Variants in ERP44 observed in about 807,000 individuals in gnomAD.
ERP44 encodes endoplasmic reticulum resident protein 44.
Under a neutral mutation model 53.4 loss-of-function variants are expected in ERP44, and 25 were observed. The ratio of observed to expected loss-of-function variants is 0.47; its 90% confidence interval spans 0.34 to 0.65. The LOEUF is 0.65. Among genes scored for constraint, ERP44 ranks in the 30% least tolerant of loss-of-function variants. The pLI, the probability that ERP44 is intolerant of heterozygous loss-of-function variation, is 0.01. For missense variants in ERP44, 338 were observed against 493.2 expected (o/e 0.69, Z 2.98); for synonymous variants, 145 against 161.2 (o/e 0.90, Z 0.76).
At chr9:100,007,429 C>A in intron 9 of ERP44, 149 bp downstream of exon 9, 1 of 583,206 alleles carries the variant, frequency 1.7e-6, no homozygotes, top group Non-Finnish European at 3.1e-6. Flanking sequence ...CTACTAATGC[C>A]TCCTTACCAT....
intron 1 of ERP44, among the ~76,000 whole-genome samples, chr9:100,076,308 G>C (rs1001937615): frequency 1.3e-5 from 2 of 152,192 alleles, no homozygotes; most frequent in African/African-American, 4.8e-5. Flanking sequence ...AGTTACATGA[G>C]GAAGTGGCTC....
intron 8 of ERP44, among the ~76,000 whole-genome samples, chr9:100,008,346 C>T (rs1351528525): frequency 6.6e-6 from 1 of 152,066 alleles, no homozygotes; most frequent in South Asian, 2.1e-4. Flanking sequence ...CAGAAAAGCA[C>T]CTTGAAAATT....
intron 7 of ERP44, 46 bp from the exon 8 acceptor site, chr9:100,016,484 A>G (rs1337858417): frequency 1.3e-6 from 2 of 1,538,178 alleles, no homozygotes; most frequent in Admixed American, 2.2e-5. Context: ...CTGTGCTGGC[A>G]AAAGTATATT....
At chr9:100,038,267 A>C (rs1042258717) in intron 4 of ERP44, among the ~76,000 whole-genome samples, 1 of 152,308 alleles carries the variant, frequency 6.6e-6, no homozygotes, top group South Asian at 2.1e-4. Flanking sequence ...TAAATTAGGG[A>C]CCAATCAAAA....
chr9:100,003,572 G>T (rs1435082266), intron 10 of ERP44, among the ~76,000 whole-genome samples: 1 of 149,772 alleles, frequency 6.7e-6, no homozygotes, highest in Non-Finnish European at 1.5e-5. Context: ...CAGCAGGTGG[G>T]TGAGCTTGGT....
At chr9:100,084,119 G>C (rs1826456188) in intron 1 of ERP44, among the ~76,000 whole-genome samples, 1 of 152,054 alleles carries the variant, frequency 6.6e-6, no homozygotes, top group Non-Finnish European at 1.5e-5. Context: ...ACTTACCAAA[G>C]GATATTATAA....
rs180930353 is a variant in ERP44, at chr9:99,981,325, T to C, written c.*1287A>G. ...ACAATCATTAAATATCCATTATAAA[T>C]ATTAATTTTATTTTAAAAGAATTGG... On this transcript the variant is annotated 3_prime_UTR_variant, in exon 12 of 12. Transcript: ENST00000262455. The C allele has an allele frequency of 7.2e-5, 11 of 152,710 alleles. 1 individual carries two copies. The East Asian group carries it at 2.1e-3, about 29-fold the overall frequency. 9.5% of individuals were successfully genotyped at this position (152,710 alleles called of 1,614,324 possible). A position where few individuals can be genotyped will look rare whatever the true frequency, so the allele number is the denominator to read the frequency against.
rs76013157 is a variant in ERP44 at position 100,013,554 on chromosome 9, A to G, written c.762+2768T>C. ...CGGAAAAGGCAACTGATAGTGCTCA[A>G]TCCCACTGATCATCAGGGAAATATA... On this transcript the variant is annotated intron_variant, in intron 8 of 11. Coordinates refer to ENST00000262455, the MANE Select transcript of ERP44 (RefSeq NM_015051.3). Among the ~76,000 whole-genome samples, 71 of 152,282 alleles carry G rather than the reference A, an allele frequency of 4.7e-4. 1 individual carries two copies. In the East Asian group the frequency reaches 0.011, roughly 23 times the overall value.
intron 8 of ERP44, among the ~76,000 whole-genome samples, chr9:100,015,365 T>C (rs781332235): frequency 6.6e-6 from 1 of 152,200 alleles, no homozygotes; most frequent in Non-Finnish European, 1.5e-5. Flanking sequence ...ACAAAAGACC[T>C]GGAATGAAAG....
chr9:100,044,605 A>G (rs563296993), intron 4 of ERP44, among the ~76,000 whole-genome samples: 9 of 152,244 alleles, frequency 5.9e-5, no homozygotes, highest in Non-Finnish European at 1.0e-4. Flanking sequence ...TAAAAATTCA[A>G]TAATTGTGTT....
intron 4 of ERP44, among the ~76,000 whole-genome samples, chr9:100,043,559 A>G (rs1015790994): frequency 6.6e-6 from 1 of 152,040 alleles, no homozygotes; most frequent in Non-Finnish European, 1.5e-5. Flanking sequence ...GTTCGAGACC[A>G]GCCTGGCCAA....
intron 2 of ERP44, among the ~76,000 whole-genome samples, chr9:100,058,974 C>T (rs1034528255): frequency 6.6e-6 from 1 of 152,170 alleles, no homozygotes; most frequent in Non-Finnish European, 1.5e-5. Context: ...TGGGAACTCA[C>T]AGAAATGTAA....
At chr9:100,005,740 G>A (rs1485885396) in intron 10 of ERP44, among the ~76,000 whole-genome samples, 1 of 152,144 alleles carries the variant, frequency 6.6e-6, no homozygotes, top group African/African-American at 2.4e-5. Flanking sequence ...ACTCAGTGGG[G>A]TAATTCATTC....
chr9:100,015,139 T>A (rs1454019441), intron 8 of ERP44, among the ~76,000 whole-genome samples: 1 of 152,208 alleles, frequency 6.6e-6, no homozygotes, highest in Admixed American at 6.5e-5. Flanking sequence ...TTTCAACATA[T>A]GAATATTAGG....
chr9:100,045,935 CA>C (rs201800794), intron 4 of ERP44, among the ~76,000 whole-genome samples: 2 of 150,816 alleles, frequency 1.3e-5, no homozygotes, highest in African/African-American at 2.4e-5. Context: ...TTTTAATTTG[CA>C]AAAAAAACCT....
rs748898802 is a variant in ERP44 at position 100,021,190 on chromosome 9, C to T, written c.472-459G>A. ...CCATTTCTCAGAGTTGTGCTTGTAGCGAGCAACACGGAAATACGAGGTAAT... is the reference window on the plus strand; with the variant it reads ...CCATTTCTCAGAGTTGTGCTTGTAGTGAGCAACACGGAAATACGAGGTAAT... On this transcript the variant is annotated intron_variant, in intron 5 of 11. Transcript: ENST00000262455. Among the ~76,000 whole-genome samples, 6 of 152,140 alleles carry T rather than the reference C, an allele frequency of 3.9e-5. No individual in the cohort carries two copies. The East Asian group carries it at 5.8e-4, about 15-fold the overall frequency.
chr9:100,046,151 G>A (rs1264606533), intron 4 of ERP44, among the ~76,000 whole-genome samples: 10 of 151,770 alleles, frequency 6.6e-5, no homozygotes, highest in Admixed American at 6.6e-4. Flanking sequence ...CACAAAAGAT[G>A]ACCAAAACAT....
At chr9:100,065,027 G>A (rs890302445) in intron 1 of ERP44, among the ~76,000 whole-genome samples, 26 of 152,212 alleles carry the variant, frequency 1.7e-4, no homozygotes, top group Admixed American at 3.9e-4. Flanking sequence ...TTAGTATTGC[G>A]TAAGTTTACT....
chr9:99,983,571 A>AAAAAG (rs1564082612), intron 11 of ERP44, among the ~76,000 whole-genome samples: 12 of 151,026 alleles, frequency 7.9e-5, no homozygotes, highest in African/African-American at 1.5e-4. Flanking sequence ...AAAAAAAAAA[A>AAAAAG]AAAAGAAAAG....
Sources: allele counts gnomAD v4.1 joint callset (sites outside exome capture counted in the v4.1 genomes callset), GRCh38; gene constraint gnomAD v4.1.1; transcripts MANE v1.5; gene names NCBI Gene and HGNC (gene_info 2026-07-23, HGNC 2026-07-21).